The following MVB12B variants were observed in gnomAD, a reference collection of about 807,000 sequenced individuals.
MVB12B encodes the protein ESCRT-I complex subunit MVB12B.
MVB12B carries 16 observed loss-of-function variants against 41.6 expected under a neutral mutation model. The ratio of observed to expected loss-of-function variants is 0.38; its 90% CI spans 0.26 to 0.58. The LOEUF is 0.58. MVB12B is among the 20% of genes least tolerant of loss of function. The pLI is 0.62. For missense variants in MVB12B, 274 were observed against 380.2 expected (o/e 0.72, Z 2.32); for synonymous variants, 133 against 139.7 (o/e 0.95, Z 0.34).
At chr9:126,429,891 C>T (rs995158940) in intron 7 of MVB12B, among the ~76,000 whole-genome samples, 1 of 152,178 alleles carries the variant, frequency 6.6e-6, no homozygotes, top group Non-Finnish European at 1.5e-5. Context: ...CTGAGCTGGG[C>T]TCTGGGTCAT....
chr9:126,476,672 C>A (rs1246012388), intron 7 of MVB12B, among the ~76,000 whole-genome samples: 6 of 151,820 alleles, frequency 4.0e-5, no homozygotes, highest in Non-Finnish European at 5.9e-5. Flanking sequence ...GTCAGGAGAT[C>A]GAGACCATCC....
chr9:126,500,584 C>T (rs1007302319), intron 9 of MVB12B, among the ~76,000 whole-genome samples: 2 of 152,226 alleles, frequency 1.3e-5, no homozygotes, highest in Admixed American at 1.3e-4. Flanking sequence ...TGGCCCCAGA[C>T]CTACCCAGTC....
intron 7 of MVB12B, among the ~76,000 whole-genome samples, chr9:126,452,445 A>C (rs972081264): frequency 2.0e-5 from 3 of 152,156 alleles, no homozygotes; most frequent in Admixed American, 6.5e-5. Flanking sequence ...GTTGCCTGGG[A>C]GCTGGGGAAA....
chr9:126,487,036 C>G (rs1833634052), intron 9 of MVB12B, among the ~76,000 whole-genome samples: 1 of 152,186 alleles, frequency 6.6e-6, no homozygotes, highest in South Asian at 2.1e-4. Flanking sequence ...AATGTAGTGT[C>G]TCAATGTCGG....
intron 7 of MVB12B, among the ~76,000 whole-genome samples, chr9:126,432,962 C>T (rs777721850): frequency 1.3e-5 from 2 of 152,174 alleles, no homozygotes; most frequent in Non-Finnish European, 2.9e-5. Context: ...GGGACCTCAT[C>T]AGAGTGAGGC....
chr9:126,448,652 C>CGATG (rs1281138385), intron 7 of MVB12B, among the ~76,000 whole-genome samples: 3 of 152,006 alleles, frequency 2.0e-5, no homozygotes, highest in African/African-American at 2.4e-5. Context: ...AAGGGGAAGC[C>CGATG]GATGTATCAC....
chr9:126,364,536 G>A (rs1296263244), intron 2 of MVB12B, among the ~76,000 whole-genome samples: 1 of 152,148 alleles, frequency 6.6e-6, no homozygotes, highest in Non-Finnish European at 1.5e-5. Context: ...AATGCTGGCT[G>A]GATCACTAGT....
chr9:126,468,625 G>T lies in MVB12B; in HGVS notation c.758-12744G>T, dbSNP rs554872039. ...ATTCTTACTGCCACTGCCCTCATCC[G>T]GGCCACCAGCGTCCCTCGCCTGGTT... On this transcript the variant is annotated intron_variant, in intron 7 of 9. Transcript: ENST00000361171. The surrounding 1 kb of genome is among the most constrained non-coding windows in gnomAD (Gnocchi z 4.3). Among the ~76,000 whole-genome samples the T allele has an allele frequency of 2.0e-5, 3 of 152,284 alleles. No individual in the cohort carries two copies. The highest frequency in any genetic ancestry group is 7.2e-5 in the African/African-American group (3 of 41,562).
At chr9:126,433,387 T>C (rs1349802291) in intron 7 of MVB12B, among the ~76,000 whole-genome samples, 1 of 146,306 alleles carries the variant, frequency 6.8e-6, no homozygotes, top group African/African-American at 2.8e-5. Flanking sequence ...GGGGCTGCAC[T>C]AGCCTTGCTG....
At chr9:126,369,692 TGCCCAGGCTAGA>T (rs1830283016) in intron 2 of MVB12B, among the ~76,000 whole-genome samples, 1 of 152,232 alleles carries the variant, frequency 6.6e-6, no homozygotes, top group Admixed American at 6.5e-5. Context: ...TCACTCTTGT[TGCCCAGGCTAGA>T]GTGCAATAGC....
chr9:126,339,837 G>C (rs560751382), intron 1 of MVB12B, among the ~76,000 whole-genome samples: 4 of 152,252 alleles, frequency 2.6e-5, no homozygotes, highest in African/African-American at 9.6e-5. Context: ...TACATCCACT[G>C]TCTTTGACTC....
At chr9:126,412,774 G>A (rs754051224) in intron 6 of MVB12B, among the ~76,000 whole-genome samples, 9 of 152,122 alleles carry the variant, frequency 5.9e-5, no homozygotes, top group Non-Finnish European at 1.0e-4. Flanking sequence ...TAGCTTAGCC[G>A]TGTGTGCCCA....
At chr9:126,450,406 A>T (rs1832868152) in intron 7 of MVB12B, among the ~76,000 whole-genome samples, 1 of 152,228 alleles carries the variant, frequency 6.6e-6, no homozygotes. Context: ...CCAAATGACA[A>T]AGTAAACTCC....
intron 7 of MVB12B, among the ~76,000 whole-genome samples, chr9:126,457,418 G>A (rs190418604): frequency 1.4e-3 from 210 of 152,280 alleles, no homozygotes; most frequent in African/African-American, 4.8e-3. Flanking sequence ...ACTGAGGCAC[G>A]CCTGCTCCAG....
chr9:126,449,987 C>T (rs993862837), intron 7 of MVB12B, among the ~76,000 whole-genome samples: 1 of 152,216 alleles, frequency 6.6e-6, no homozygotes, highest in African/African-American at 2.4e-5. Context: ...AGTAGGCTTT[C>T]TCACTCCTCC....
At chr9:126,423,228 CT>C (rs1484658485) in intron 7 of MVB12B, among the ~76,000 whole-genome samples, 1 of 152,198 alleles carries the variant, frequency 6.6e-6, no homozygotes, top group East Asian at 1.9e-4. Flanking sequence ...AAACGGATGA[CT>C]TTTTTTCTGC....
intron 2 of MVB12B, among the ~76,000 whole-genome samples, chr9:126,349,364 G>A (rs1435842778): frequency 1.3e-5 from 2 of 152,154 alleles, no homozygotes; most frequent in African/African-American, 4.8e-5. Context: ...TCACCTAGGA[G>A]GGGCAGTCCC....
At chr9:126,356,915 G>A (rs1443958663) in intron 2 of MVB12B, among the ~76,000 whole-genome samples, 1 of 151,884 alleles carries the variant, frequency 6.6e-6, no homozygotes, top group Non-Finnish European at 1.5e-5. Flanking sequence ...GCAGATGCCG[G>A]TGCCATGCTT....
rs182081332 is a variant in MVB12B, at chr9:126,389,287, T to C, written c.409+2629T>C. ...AACAGAGGAGCCCAAGCTGGCCACATAAGCCTTATGATCAGCTCTGTATCA... is the reference window on the plus strand; with the variant it reads ...AACAGAGGAGCCCAAGCTGGCCACACAAGCCTTATGATCAGCTCTGTATCA... On this transcript the variant is annotated intron_variant, in intron 4 of 9. Coordinates refer to ENST00000361171, the MANE Select transcript of MVB12B (RefSeq NM_033446.3). The surrounding 1 kb of genome is among the most constrained non-coding windows in gnomAD (Gnocchi z 4.4). 6.6e-6 allele frequency among the ~76,000 whole-genome samples: 1 copy of C among 152,298 alleles called. No individual in the cohort carries two copies. Among genetic ancestry groups the C allele is most frequent in the East Asian group, 1.9e-4 (1 of 5,182 alleles).
Sources: allele counts gnomAD v4.1 joint callset (sites outside exome capture counted in the v4.1 genomes callset), GRCh38; gene constraint gnomAD v4.1.1; non-coding constraint Gnocchi (gnomAD v3.1); transcripts MANE v1.5; gene names NCBI Gene and HGNC (gene_info 2026-07-23, HGNC 2026-07-21).